The following KCNH8 variants were observed in gnomAD, a reference collection of about 807,000 sequenced individuals.
KCNH8 encodes the protein potassium voltage-gated channel subfamily H member 8.
A neutral mutation model predicts 103.6 loss-of-function variants in KCNH8; 70 were observed. The ratio of observed to expected loss-of-function variants is 0.68; its 90% CI spans 0.56 to 0.82. KCNH8 has a LOEUF of 0.82. KCNH8 is among the 40% of genes least tolerant of loss of function. The pLI is 0.00. For missense variants in KCNH8, 1,217 were observed against 1,329.9 expected (o/e 0.92, Z 1.32); for synonymous variants, 498 against 489.4 (o/e 1.02, Z -0.23).
intron 14 of KCNH8, among the ~76,000 whole-genome samples, chr3:19,517,502 A>G (rs1194689900): frequency 1.3e-5 from 2 of 152,036 alleles, no homozygotes; most frequent in Non-Finnish European, 2.9e-5. Flanking sequence ...ACTGGGAGAA[A>G]TTACCCTTTA....
At chr3:19,379,147 C>T (rs907345865) in intron 5 of KCNH8, among the ~76,000 whole-genome samples, 5 of 152,110 alleles carry the variant, frequency 3.3e-5, no homozygotes, top group African/African-American at 4.8e-5. Context: ...GAAGTTATTT[C>T]GTAACAGATT....
At chr3:19,178,700 A>T (rs1461932238) in intron 1 of KCNH8, among the ~76,000 whole-genome samples, 1 of 152,138 alleles carries the variant, frequency 6.6e-6, no homozygotes, top group African/African-American at 2.4e-5. Flanking sequence ...AAACATAGGG[A>T]GGCAAATTTC....
intron 1 of KCNH8, among the ~76,000 whole-genome samples, chr3:19,201,429 T>G (rs1408035427): frequency 1.3e-5 from 2 of 152,018 alleles, no homozygotes; most frequent in Non-Finnish European, 2.9e-5. Flanking sequence ...CATTGTGTCA[T>G]TTAATCCCAC....
At chr3:19,440,716 T>G (rs971268358) in intron 8 of KCNH8, among the ~76,000 whole-genome samples, 2 of 152,142 alleles carry the variant, frequency 1.3e-5, no homozygotes, top group Admixed American at 1.3e-4. Flanking sequence ...AACCAAATAC[T>G]TACTGAATGT....
chr3:19,248,523 A>T (rs1378666261), intron 1 of KCNH8, among the ~76,000 whole-genome samples: 1 of 152,188 alleles, frequency 6.6e-6, no homozygotes, highest in South Asian at 2.1e-4. Flanking sequence ...GGTTTTTTGG[A>T]GACTGAAATA....
chr3:19,279,285 A>G (rs376031315), intron 2 of KCNH8, among the ~76,000 whole-genome samples: 2 of 152,142 alleles, frequency 1.3e-5, no homozygotes, highest in East Asian at 3.9e-4. Context: ...GGTATGGCTC[A>G]TTTATGAGGC....
intron 5 of KCNH8, among the ~76,000 whole-genome samples, chr3:19,351,424 A>G (rs933650018): frequency 1.3e-4 from 20 of 151,712 alleles, no homozygotes; most frequent in Non-Finnish European, 2.2e-4. Context: ...ACTCCAAGAC[A>G]CATAATTGTC....
intron 15 of KCNH8, among the ~76,000 whole-genome samples, chr3:19,530,547 G>A (rs2069143151): frequency 6.6e-6 from 1 of 152,112 alleles, no homozygotes; most frequent in Admixed American, 6.6e-5. Context: ...TAACATATCT[G>A]TTTCCAGTTC....
chr3:19,455,682 T>G (rs2067520915), intron 10 of KCNH8, among the ~76,000 whole-genome samples: 1 of 152,068 alleles, frequency 6.6e-6, no homozygotes, highest in Non-Finnish European at 1.5e-5. Flanking sequence ...TGGTCAGTTC[T>G]CCATAAATAT....
At chr3:19,196,634 A>G (rs2063605111) in intron 1 of KCNH8, among the ~76,000 whole-genome samples, 1 of 152,022 alleles carries the variant, frequency 6.6e-6, no homozygotes, top group African/African-American at 2.4e-5. Context: ...GGATGTGTGA[A>G]TACATCATGC....
intron 2 of KCNH8, among the ~76,000 whole-genome samples, chr3:19,274,852 TCCCCTCCCCA>T (rs2064642583): frequency 0.014 from 101 of 7,204 alleles, no homozygotes; most frequent in Non-Finnish European, 0.021. Context: ...ACCCCTCCCC[TCCCCTCCCCA>T]CCCCTCCCCT....
chr3:19,179,365 A>G (rs927709653), intron 1 of KCNH8, among the ~76,000 whole-genome samples: 6 of 152,188 alleles, frequency 3.9e-5, no homozygotes, highest in Admixed American at 3.9e-4. Context: ...GAAAGATAAT[A>G]TTATGGGCCT....
intron 3 of KCNH8, among the ~76,000 whole-genome samples, chr3:19,313,210 C>A (rs1173059654): frequency 6.6e-6 from 1 of 151,670 alleles, no homozygotes; most frequent in East Asian, 1.9e-4. Context: ...CAAAAGGGGG[C>A]TTAGGATTAT....
chr3:19,503,923 TATAATA>T lies in KCNH8; in HGVS notation c.2041-6423_2041-6418del, dbSNP rs540752455. ...TGCACAGGTACCCTAAAACTTAAAG[TATAATA>T]ATAATAATAATAATAAAGAAAATTA... On this transcript the variant is annotated intron_variant, in intron 11 of 15. Transcript: ENST00000328405. 3.6e-4 allele frequency among the ~76,000 whole-genome samples: 55 copies of T among 150,784 alleles called. No homozygotes were observed. The East Asian group carries it at 5.7e-3, about 16-fold the overall frequency.
At chr3:19,225,131 CTT>C (rs2063916175) in intron 1 of KCNH8, among the ~76,000 whole-genome samples, 1 of 152,034 alleles carries the variant, frequency 6.6e-6, no homozygotes, top group Non-Finnish European at 1.5e-5. Context: ...GGGATTTAGA[CTT>C]TACTCTCAAT....
chr3:19,196,201 A>G (rs779978737), intron 1 of KCNH8, among the ~76,000 whole-genome samples: 1 of 151,934 alleles, frequency 6.6e-6, no homozygotes, highest in Non-Finnish European at 1.5e-5. Flanking sequence ...TACCACTCCA[A>G]AAGTGGCCAG....
chr3:19,492,042 T>G (rs1446544060), intron 11 of KCNH8, among the ~76,000 whole-genome samples: 1 of 152,216 alleles, frequency 6.6e-6, no homozygotes, highest in Non-Finnish European at 1.5e-5. Context: ...CTTGTAAATT[T>G]GTTTAAGTTT....
chr3:19,190,410 TTCAGCAGATTGA>T (rs1202873059), intron 1 of KCNH8, among the ~76,000 whole-genome samples: 1 of 151,984 alleles, frequency 6.6e-6, no homozygotes, highest in African/African-American at 2.4e-5. Context: ...GCCACTTGTC[TTCAGCAGATTGA>T]GTTTTTTATT....
intron 5 of KCNH8, among the ~76,000 whole-genome samples, chr3:19,383,241 A>C (rs1367545016): frequency 1.3e-5 from 2 of 152,228 alleles, no homozygotes; most frequent in Non-Finnish European, 2.9e-5. Flanking sequence ...ATTAAAATGC[A>C]AAGAGCTATG....
Sources: gnomAD v4.1 joint callset for allele counts (sites outside exome capture counted in the v4.1 genomes callset) on GRCh38, gnomAD v4.1.1 for gene constraint, MANE v1.5 for transcripts, NCBI Gene and HGNC (gene_info 2026-07-23, HGNC 2026-07-21) for gene names.